Variants in RIPOR2 observed in about 807,000 individuals in gnomAD.
RIPOR2 encodes the protein rho family-interacting cell polarization regulator 2.
In RIPOR2, 39 loss-of-function variants were observed where a neutral mutation model predicts 114.5. The ratio of observed to expected loss-of-function variants is 0.34; its 90% CI spans 0.26 to 0.44. RIPOR2 has a LOEUF of 0.44. RIPOR2 is among the 20% of genes least tolerant of loss of function. RIPOR2 has a pLI of 1.00. For synonymous variants in RIPOR2, 445 were observed against 484.4 expected, an observed-to-expected ratio of 0.92 and a Z score of 1.07; for missense variants, 1,007 against 1,255.1, an observed-to-expected ratio of 0.80 and a Z score of 2.99.
At chr6:24,837,323 A>G (rs895276438) in intron 14 of RIPOR2, among the ~76,000 whole-genome samples, 1 of 151,886 alleles carries the variant, frequency 6.6e-6, no homozygotes, top group Non-Finnish European at 1.5e-5. Flanking sequence ...GGGTTTCACC[A>G]TGTTGATCAG....
At chr6:24,809,261 G>A (rs190130176) in intron 21 of RIPOR2, among the ~76,000 whole-genome samples, 1 of 152,256 alleles carries the variant, frequency 6.6e-6, no homozygotes, top group East Asian at 1.9e-4. Context: ...GAGGCCACAG[G>A]GCAGTCAGAG....
Position 24,948,625 on chromosome 6 carries a change from G to T in RIPOR2, c.77-72808C>A, listed in dbSNP as rs149348884. Among the ~76,000 whole-genome samples the T allele has an allele frequency of 4.7e-3, 716 of 151,446 alleles. 2 individuals carry two copies. The highest frequency in any genetic ancestry group is 0.017 in the South Asian group (81 of 4,800). ...CGGTTCACCGCAACCTCTGCCTCCC[G>T]GATTCAAGAGATTCTCTTGCCTCAG... On this transcript the variant is annotated intron_variant, in intron 1 of 13. Coordinates refer to the RIPOR2 transcript ENST00000510784.
intron 1 of RIPOR2, among the ~76,000 whole-genome samples, chr6:25,025,124 G>C (rs187227686): frequency 6.6e-6 from 1 of 152,098 alleles, no homozygotes; most frequent in East Asian, 1.9e-4. Flanking sequence ...GATATGTAGC[G>C]GTCTCTTTAT....
intron 3 of RIPOR2, 129 bp downstream of exon 3, chr6:24,873,515 C>G: frequency 1.2e-6 from 1 of 801,484 alleles, no homozygotes; most frequent in African/African-American, 1.7e-5. Context: ...GTCAGGCTTC[C>G]CTAATTGTGG....
intron 1 of RIPOR2, among the ~76,000 whole-genome samples, chr6:25,018,251 C>T (rs1776113547): frequency 6.6e-6 from 1 of 152,140 alleles, no homozygotes; most frequent in Non-Finnish European, 1.5e-5. Flanking sequence ...AGACTTCTTC[C>T]TAATGCTTTA....
chr6:24,923,810 C>T (rs539559146), intron 1 of RIPOR2, among the ~76,000 whole-genome samples: 12 of 151,904 alleles, frequency 7.9e-5, no homozygotes, highest in African/African-American at 2.7e-4. Context: ...ATAGCACTAC[C>T]GCACTCCAGC....
rs750617339 is a variant in RIPOR2, at chr6:24,865,340, A to G, written c.612T>C (p.Ser204=). Residue 204 remains serine, a synonymous_variant, in exon 7 of 22, where the codon AGT becomes AGC. Coordinates refer to ENST00000643898, the MANE Select transcript of RIPOR2 (RefSeq NM_001286445.3). ...TSPASKAARE[S]LTEINRSFKE... is the part of the protein sequence containing the mutation. ...TGAAGCTCCGATTGATCTCTGTCAG[A>G]CTCTCCCGGGCAGCTTTGCTGGCAG... is the stretch of plus-strand genomic sequence containing the variant. 1.9e-6 allele frequency: 3 copies of G among 1,612,694 alleles called. No homozygotes were observed. Among genetic ancestry groups the G allele is most frequent in the African/African-American group, 2.7e-5 (2 of 74,702 alleles).
At chr6:25,031,740 T>TCCATAGA (rs1776975775) in intron 1 of RIPOR2, among the ~76,000 whole-genome samples, 1 of 68,126 alleles carries the variant, frequency 1.5e-5, no homozygotes, top group East Asian at 4.1e-4. Flanking sequence ...TATATATATA[T>TCCATAGA]ATATATATAT....
rs1780695862 is a variant in RIPOR2, at chr6:24,805,177, T to G, written c.*1196A>C. The G allele has an allele frequency of 6.6e-6, 1 of 152,062 alleles. No individual in the cohort carries two copies. Among genetic ancestry groups the G allele is most frequent in the Non-Finnish European group, 1.5e-5 (1 of 68,024 alleles). The allele number at this position is 152,062 out of a possible 1,614,324, so 9.4% of individuals were successfully genotyped here. A position where few individuals can be genotyped will look rare whatever the true frequency, so the allele number is the denominator to read the frequency against. ...GAATCTACAGCTTTTGGTTTTGATT[T>G]GTCTTAGCAGCAAAACACCCCTATG... is the stretch of plus-strand genomic sequence containing the variant. On this transcript the variant is annotated 3_prime_UTR_variant, in exon 22 of 22. Transcript: ENST00000643898.
chr6:24,817,722 C>T (rs201913521), intron 20 of RIPOR2, among the ~76,000 whole-genome samples: 1 of 15,306 alleles, frequency 6.5e-5, no homozygotes, highest in Admixed American at 1.4e-3. Context: ...TATTATTGTT[C>T]CGTTTAGTAC....
intron 13 of RIPOR2, chr6:24,839,950 T>A: frequency 1.0e-6 from 1 of 989,276 alleles, no homozygotes; most frequent in Non-Finnish European, 1.2e-6. Context: ...TTTTTTTTTT[T>A]TTTTTTTTTT....
At chr6:24,853,077 G>A (rs1763120754) in intron 8 of RIPOR2, among the ~76,000 whole-genome samples, 1 of 152,034 alleles carries the variant, frequency 6.6e-6, no homozygotes, top group African/African-American at 2.4e-5. Flanking sequence ...TTCCCTTGCT[G>A]CCCCCCAATT....
intron 1 of RIPOR2, among the ~76,000 whole-genome samples, chr6:25,004,241 A>G (rs1045589288): frequency 6.6e-6 from 1 of 152,220 alleles, no homozygotes; most frequent in Non-Finnish European, 1.5e-5. Flanking sequence ...GGAATAACTC[A>G]TAGGATCCGA....
intron 1 of RIPOR2, chr6:25,031,126 G>A: frequency 6.6e-6 from 1 of 152,486 alleles, no homozygotes; most frequent in East Asian, 1.9e-4. Flanking sequence ...CCTCTCCTTA[G>A]GCAACCTGGT....
chr6:24,919,227 C>A (rs1242004090), intron 1 of RIPOR2, among the ~76,000 whole-genome samples: 1 of 152,214 alleles, frequency 6.6e-6, no homozygotes, highest in Non-Finnish European at 1.5e-5. Context: ...GTGCTGTCAT[C>A]CTCCATAATT....
chr6:24,970,630 TC>T (rs1226254030), intron 1 of RIPOR2, among the ~76,000 whole-genome samples: 1 of 152,152 alleles, frequency 6.6e-6, no homozygotes, highest in African/African-American at 2.4e-5. Context: ...ATGAATGACA[TC>T]CTAATGTATT....
intron 5 of RIPOR2, 93 bp downstream of exon 5, chr6:24,870,773 C>T (rs940816533): frequency 5.3e-5 from 49 of 916,450 alleles, no homozygotes; most frequent in Admixed American, 3.0e-4. Context: ...CTCGGCCTCC[C>T]AAAGTGCTGG....
intron 3 of RIPOR2, among the ~76,000 whole-genome samples, chr6:24,873,185 C>T (rs922764317): frequency 6.6e-6 from 1 of 152,078 alleles, no homozygotes; most frequent in African/African-American, 2.4e-5. Flanking sequence ...AGCTGAAAGT[C>T]GAGAAAAGAA....
chr6:24,942,816 T>C (rs1341211763), intron 1 of RIPOR2, among the ~76,000 whole-genome samples: 2 of 152,184 alleles, frequency 1.3e-5, no homozygotes, highest in Non-Finnish European at 2.9e-5. Context: ...GATATTAGCC[T>C]TCTGTCAGAT....
Sources: allele counts gnomAD v4.1 joint callset (sites outside exome capture counted in the v4.1 genomes callset), GRCh38; gene constraint gnomAD v4.1.1; transcripts MANE v1.5; gene names NCBI Gene and HGNC (gene_info 2026-07-23, HGNC 2026-07-21).